ST6GAL2: variants seen among roughly 807,000 people sequenced by gnomAD.
The protein encoded by ST6GAL2 is ST6 beta-galactoside alpha-2,6-sialyltransferase 2, also known as beta-galactoside alpha-2,6-sialyltransferase 2.
ST6GAL2 carries 24 observed loss-of-function variants against 37.5 expected under a neutral mutation model. The observed-to-expected ratio is 0.64, with a 90% CI of 0.46 to 0.90. ST6GAL2 has a LOEUF of 0.90. Among genes scored for constraint, ST6GAL2 ranks in the 40% least tolerant of loss-of-function variants. ST6GAL2 has a pLI of 0.00. For missense variants in ST6GAL2, 715 were observed against 712.7 expected (o/e 1.00, Z -0.04); for synonymous variants, 306 against 295.1 (o/e 1.04, Z -0.38).
At position 106,825,781 on chromosome 2, in the gene ST6GAL2, G is replaced by C. The variant is rs377286042; in HGVS notation, c.1318+4285C>G. 2.4e-4 allele frequency among the ~76,000 whole-genome samples: 36 copies of C among 152,254 alleles called. No homozygotes were observed. In the South Asian group the frequency reaches 6.2e-3, roughly 26 times the overall value. ...TTTATGTCTGTCCTGCAAATTTTGG[G>C]TGGGCAGGACCCTTGTCTGGTTTCT... On this transcript the variant is annotated intron_variant, in intron 5 of 5. Coordinates refer to ENST00000409382, the MANE Select transcript of ST6GAL2 (RefSeq NM_001142351.2).
chr2:106,846,837 C>T (rs978239327), intron 1 of ST6GAL2, among the ~76,000 whole-genome samples: 1 of 152,168 alleles, frequency 6.6e-6, no homozygotes, highest in African/African-American at 2.4e-5. Flanking sequence ...CTGTGGTTAG[C>T]ACTTGTTCTG....
intron 4 of ST6GAL2, among the ~76,000 whole-genome samples, chr2:106,832,278 CT>C (rs1676452985): frequency 6.6e-6 from 1 of 152,174 alleles, no homozygotes; most frequent in South Asian, 2.1e-4. Flanking sequence ...TCAGTCAACC[CT>C]TTAGTGTAAC....
At chr2:106,868,533 A>C (rs943569513) in intron 1 of ST6GAL2, among the ~76,000 whole-genome samples, 2 of 152,216 alleles carry the variant, frequency 1.3e-5, no homozygotes, top group East Asian at 3.9e-4. Flanking sequence ...AATAAACTAA[A>C]TATCTGTGTA....
In ST6GAL2 at chr2:106,802,990, C is replaced by A. The variant is rs1558667772; in HGVS notation, c.*3688G>T. The stretch of plus-strand genomic sequence containing the variant: ...ACTGGCACTCATCTAAGACTGATCC[C>A]ACTTAAAGCACCCAAACGGGACCTA... On this transcript the variant is annotated 3_prime_UTR_variant, in exon 6 of 6. Transcript: ENST00000409382. 1 of 152,124 alleles carries A rather than the reference C, an allele frequency of 6.6e-6. No individual in the cohort carries two copies. Among genetic ancestry groups the A allele is most frequent in the African/African-American group, 2.4e-5 (1 of 41,432 alleles). 9.4% of individuals were successfully genotyped at this position (152,124 alleles called of 1,614,324 possible).
intron 5 of ST6GAL2, among the ~76,000 whole-genome samples, chr2:106,817,262 C>G (rs1369346667): frequency 6.6e-6 from 1 of 152,212 alleles, no homozygotes; most frequent in African/African-American, 2.4e-5. Flanking sequence ...GCTTGCACCA[C>G]TCTTCCCCCA....
chr2:106,869,443 G>A (rs1021717373), intron 1 of ST6GAL2, among the ~76,000 whole-genome samples: 1 of 152,184 alleles, frequency 6.6e-6, no homozygotes, highest in East Asian at 1.9e-4. Flanking sequence ...AATATCGACC[G>A]CCCTTTAAAC....
intron 2 of ST6GAL2, among the ~76,000 whole-genome samples, chr2:106,837,508 T>G (rs1558694530): frequency 6.6e-6 from 1 of 152,198 alleles, no homozygotes; most frequent in Non-Finnish European, 1.5e-5. Context: ...AGGGTAAGCT[T>G]AGATCTCACT....
intron 1 of ST6GAL2, among the ~76,000 whole-genome samples, chr2:106,879,670 G>T (rs1298742656): frequency 6.7e-6 from 1 of 148,288 alleles, no homozygotes; most frequent in African/African-American, 2.5e-5. Context: ...GTATATAATA[G>T]AAATTATATA....
intron 2 of ST6GAL2, among the ~76,000 whole-genome samples, chr2:106,839,479 C>T (rs1475518086): frequency 6.6e-6 from 1 of 152,112 alleles, no homozygotes. Context: ...GAGCCTGTGA[C>T]CTATTCATTT....
At position 106,830,147 on chromosome 2, in the gene ST6GAL2, A is replaced by T. The variant is rs1240815104; in HGVS notation, c.1237T>A (p.Phe413Ile). 1.2e-6 allele frequency: 2 copies of T among 1,613,988 alleles called. No individual in the cohort carries two copies. The highest frequency in any genetic ancestry group is 1.7e-6 in the Non-Finnish European group (2 of 1,179,944). Residue 413 changes from phenylalanine to isoleucine, a missense_variant, in exon 5 of 6, where the codon TTT becomes ATT. By Grantham distance (21) the Phe-to-Ile change is conservative (BLOSUM62 0). Around this residue, in one of 3 missense-constraint regions of ST6GAL2, gnomAD observed 198 missense variants for 203.6 expected, o/e 0.97. Transcript: ENST00000409382. ...ATAATATCCCAGAGCTGCCATATAA[A>T]TTTAGGATGAAGAATGTAAAATGGC... is the stretch of plus-strand genomic sequence containing the variant. ...NQPFYILHPK[F>I]IWQLWDIIQE...
Position 106,843,228 on chromosome 2 carries a change from C to A in ST6GAL2, c.750G>T (p.Gln250His). 6.4e-7 allele frequency: 1 copy of A among 1,574,766 alleles called. No homozygotes were observed. The highest frequency in any genetic ancestry group is 2.3e-5 in the East Asian group (1 of 42,896). The change falls in exon 2 of 6, where the codon CAG (glutamine) becomes CAT (histidine). Residue 250 changes from glutamine to histidine, a missense_variant. This residue lies in a region of ST6GAL2 where 512 missense variants were observed against 488.8 expected (regional missense o/e 1.05). Coordinates refer to ENST00000409382, the MANE Select transcript of ST6GAL2 (RefSeq NM_001142351.2). ...GKREAGLSRA[Q>H]LLCQLRSRAR... ...CGCGGCTCCGCAGCTGGCACAGCAG[C>A]TGTGCCCTGCTCAGCCCGGCCTCCC...
At chr2:106,816,144 T>C (rs943480725) in intron 5 of ST6GAL2, among the ~76,000 whole-genome samples, 2 of 152,212 alleles carry the variant, frequency 1.3e-5, no homozygotes, top group Non-Finnish European at 2.9e-5. Flanking sequence ...TTTGCTTCTT[T>C]TTATAAGGAC....
chr2:106,872,389 C>T (rs1678307020), intron 1 of ST6GAL2, among the ~76,000 whole-genome samples: 1 of 152,140 alleles, frequency 6.6e-6, no homozygotes, highest in Admixed American at 6.5e-5. Flanking sequence ...CTGACACAGT[C>T]AGAATAACAA....
Position 106,843,414 on chromosome 2 carries a change from C to T in ST6GAL2, c.564G>A (p.Glu188=). ...AGTACAGCCTGTCGCCGTCGTCGCC[C>T]TCCTCCAACACGTGGCTCCTTCTCT... ...RRQRRSHVLE[E]GDDGDRLYSS... The change falls in exon 2 of 6, where the codon GAG becomes GAA. Residue 188 remains glutamate, a synonymous_variant. Coordinates refer to ENST00000409382, the MANE Select transcript of ST6GAL2 (RefSeq NM_001142351.2). 1 of 1,614,136 alleles carries T rather than the reference C, an allele frequency of 6.2e-7. No homozygotes were observed. The highest frequency in any genetic ancestry group is 8.5e-7 in the Non-Finnish European group (1 of 1,180,030).
At chr2:106,860,407 T>A (rs1055300777) in intron 1 of ST6GAL2, among the ~76,000 whole-genome samples, 1 of 152,152 alleles carries the variant, frequency 6.6e-6, no homozygotes. Flanking sequence ...ACTTAGGGCA[T>A]AATTTCAATG....
chr2:106,862,460 A>G (rs777997247), intron 1 of ST6GAL2, among the ~76,000 whole-genome samples: 15 of 152,200 alleles, frequency 9.9e-5, no homozygotes, highest in Non-Finnish European at 2.2e-4. Context: ...GTGTCAGATG[A>G]ATTTGACAAA....
At chr2:106,837,281 C>A (rs1676686817) in intron 2 of ST6GAL2, among the ~76,000 whole-genome samples, 1 of 152,194 alleles carries the variant, frequency 6.6e-6, no homozygotes, top group South Asian at 2.1e-4. Context: ...CTCCTATTTC[C>A]CCATGTGCCC....
intron 5 of ST6GAL2, among the ~76,000 whole-genome samples, chr2:106,815,968 G>T (rs1474170423): frequency 2.6e-5 from 4 of 152,152 alleles, no homozygotes; most frequent in Non-Finnish European, 2.9e-5. Context: ...GTGCTGTGCT[G>T]CTTCACAGTG....
chr2:106,842,541 C>T (rs138287265), intron 2 of ST6GAL2, among the ~76,000 whole-genome samples: 1 of 152,214 alleles, frequency 6.6e-6, no homozygotes, highest in Non-Finnish European at 1.5e-5. Flanking sequence ...GCACCCTGCT[C>T]TTTGGAGCTG....
Sources: gnomAD v4.1 joint callset for allele counts (sites outside exome capture counted in the v4.1 genomes callset) on GRCh38, gnomAD v4.1.1 for gene constraint, gnomAD v4.1.1 regional missense constraint, MANE v1.5 for transcripts, NCBI Gene and HGNC (gene_info 2026-07-23, HGNC 2026-07-21) for gene names.